The following DAB1 variants were observed in gnomAD, a reference collection of about 807,000 sequenced individuals.
DAB1 encodes the protein disabled homolog 1.
In DAB1, 15 loss-of-function variants were observed where a neutral mutation model predicts 64.6. The ratio of observed to expected loss-of-function variants is 0.23; its 90% CI spans 0.16 to 0.36. DAB1 has a LOEUF of 0.36. DAB1 is among the 10% of genes least tolerant of loss of function. The probability of loss-of-function intolerance (pLI) is 1.00; values close to 1 mark genes in which losing one functional copy is unlikely to be tolerated. For synonymous variants in DAB1, 235 were observed against 251.9 expected, an observed-to-expected ratio of 0.93 and a Z score of 0.64; for missense variants, 596 against 706.7, an observed-to-expected ratio of 0.84 and a Z score of 1.78.
intron 7 of DAB1, among the ~76,000 whole-genome samples, chr1:57,465,230 A>G (rs61046929): frequency 2.8e-3 from 424 of 152,312 alleles, no homozygotes; most frequent in African/African-American, 9.7e-3. Context: ...CCTCTGGTTT[A>G]TGGGTTACAC....
At chr1:57,544,048 G>A (rs1252901208) in intron 7 of DAB1, among the ~76,000 whole-genome samples, 1 of 152,126 alleles carries the variant, frequency 6.6e-6, no homozygotes, top group Non-Finnish European at 1.5e-5. Flanking sequence ...CAGAGTCTGG[G>A]GCTACAGTGA....
chr1:57,508,026 A>G (rs942795294), intron 7 of DAB1, among the ~76,000 whole-genome samples: 1 of 152,200 alleles, frequency 6.6e-6, no homozygotes, highest in Admixed American at 6.5e-5. Context: ...GCCCATGACT[A>G]TGTGTTTTTA....
chr1:57,080,322 G>A (rs1652379955), intron 4 of DAB1, among the ~76,000 whole-genome samples: 1 of 152,098 alleles, frequency 6.6e-6, no homozygotes, highest in African/African-American at 2.4e-5. Flanking sequence ...AGGATCCTGT[G>A]TCCAGGTCTC....
chr1:57,585,993 C>A (rs541065050), intron 7 of DAB1, among the ~76,000 whole-genome samples: 1 of 152,282 alleles, frequency 6.6e-6, no homozygotes, highest in African/African-American at 2.4e-5. Context: ...GAGGGTACAA[C>A]TAATTCCAGG....
intron 7 of DAB1, among the ~76,000 whole-genome samples, chr1:57,537,376 T>C (rs1644742903): frequency 6.6e-6 from 1 of 152,208 alleles, no homozygotes; most frequent in Non-Finnish European, 1.5e-5. Context: ...GCTCTTCAGG[T>C]TATCCAACGG....
chr1:57,958,951 A>G (rs1645453382), intron 5 of DAB1, among the ~76,000 whole-genome samples: 1 of 152,226 alleles, frequency 6.6e-6, no homozygotes, highest in Admixed American at 6.5e-5. Context: ...ATTCTGAGGA[A>G]GCAGGGGTTA....
intron 4 of DAB1, among the ~76,000 whole-genome samples, chr1:57,097,704 T>C (rs972962080): frequency 1.3e-5 from 2 of 152,202 alleles, no homozygotes; most frequent in Admixed American, 1.3e-4. Flanking sequence ...AATTTTCATT[T>C]ACTTATAAAG....
At chr1:58,206,303 A>G (rs903946285) in intron 4 of DAB1, among the ~76,000 whole-genome samples, 1 of 152,242 alleles carries the variant, frequency 6.6e-6, no homozygotes, top group Non-Finnish European at 1.5e-5. Flanking sequence ...GCAATCAGAT[A>G]TGCATTTATC....
At chr1:58,001,383 C>T (rs1389449347) in intron 5 of DAB1, among the ~76,000 whole-genome samples, 1 of 152,170 alleles carries the variant, frequency 6.6e-6, no homozygotes, top group Non-Finnish European at 1.5e-5. Context: ...CATGCCTCAA[C>T]CTCCTGAGTT....
At chr1:57,704,490 T>C (rs1174167501) in intron 6 of DAB1, among the ~76,000 whole-genome samples, 1 of 152,182 alleles carries the variant, frequency 6.6e-6, no homozygotes, top group African/African-American at 2.4e-5. Flanking sequence ...CTTGAGATGC[T>C]ATAATTCTAA....
intron 9 of DAB1, among the ~76,000 whole-genome samples, chr1:57,051,003 C>G (rs1263169536): frequency 6.6e-6 from 1 of 152,170 alleles, no homozygotes; most frequent in Non-Finnish European, 1.5e-5. Flanking sequence ...AATGTTCATC[C>G]ACACCTATCA....
intron 3 of DAB1, among the ~76,000 whole-genome samples, chr1:58,372,411 G>T (rs943965383): frequency 6.6e-6 from 1 of 152,166 alleles, no homozygotes; most frequent in South Asian, 2.1e-4. Flanking sequence ...TTGTATCTTG[G>T]GGGTATCTAA....
At chr1:57,853,834 A>G (rs1323123550) in intron 1 of DAB1, among the ~76,000 whole-genome samples, 1 of 152,184 alleles carries the variant, frequency 6.6e-6, no homozygotes, top group Non-Finnish European at 1.5e-5. Flanking sequence ...ACAAGAGGTG[A>G]GAAGGTTCTG....
chr1:57,186,004 G>C (rs1663516664), intron 2 of DAB1, among the ~76,000 whole-genome samples: 1 of 152,086 alleles, frequency 6.6e-6, no homozygotes, highest in South Asian at 2.1e-4. Flanking sequence ...TTAACTGTTT[G>C]GTTTCCTGAG....
intron 5 of DAB1, among the ~76,000 whole-genome samples, chr1:57,946,594 T>C (rs559980317): frequency 5.2e-4 from 79 of 152,164 alleles, no homozygotes; most frequent in African/African-American, 1.9e-3. Context: ...GATAGAGGAG[T>C]AGAAAGAGGG....
At chr1:57,089,218 TATCCCATGAGGGA>T (rs1653393643) in intron 4 of DAB1, among the ~76,000 whole-genome samples, 1 of 152,232 alleles carries the variant, frequency 6.6e-6, no homozygotes, top group South Asian at 2.1e-4. Flanking sequence ...ATTCAAAGTG[TATCCCATGAGGGA>T]ATAACTTCTC....
At chr1:57,435,668 G>A (rs964699839) in intron 7 of DAB1, among the ~76,000 whole-genome samples, 6 of 152,090 alleles carry the variant, frequency 3.9e-5, no homozygotes, top group Non-Finnish European at 7.3e-5. Context: ...CCAGTGGAAG[G>A]TCTTCAGGGG....
intron 6 of DAB1, among the ~76,000 whole-genome samples, chr1:57,777,929 T>C (rs543803099): frequency 2.0e-5 from 3 of 152,150 alleles, no homozygotes; most frequent in Non-Finnish European, 4.4e-5. Flanking sequence ...TGGCAGTTTC[T>C]TTCAGATCAC....
At chr1:57,221,451 A>T (rs1389127557) in intron 2 of DAB1, among the ~76,000 whole-genome samples, 1 of 152,078 alleles carries the variant, frequency 6.6e-6, no homozygotes, top group Non-Finnish European at 1.5e-5. Context: ...TACAAAAAAA[A>T]AAAAAGACAT....
Sources: allele counts gnomAD v4.1 joint callset (sites outside exome capture counted in the v4.1 genomes callset), GRCh38; gene constraint gnomAD v4.1.1; transcripts MANE v1.5; gene names NCBI Gene and HGNC (gene_info 2026-07-23, HGNC 2026-07-21).